The following PRR16 variants were observed in gnomAD, a reference collection of about 807,000 sequenced individuals.
The protein encoded by PRR16 is proline rich 16, also known as protein Largen.
Under a neutral mutation model 18.2 loss-of-function variants are expected in PRR16, and 6 were observed. That is an observed-to-expected ratio of 0.33 (90% CI 0.18 to 0.65). The LOEUF (loss-of-function observed/expected upper bound fraction) is 0.65, where lower values mean the gene tolerates loss of function less well. Among genes scored for constraint, PRR16 ranks in the 30% least tolerant of loss-of-function variants. The probability of loss-of-function intolerance (pLI) is 0.74; values close to 1 mark genes in which losing one functional copy is unlikely to be tolerated. For missense variants in PRR16, 412 were observed against 376.6 expected (o/e 1.09, Z -0.78); for synonymous variants, 151 against 147.8 (o/e 1.02, Z -0.16).
chr5:120,754,251 A>AATATATAATATATATAATTAGATATT, the PRR16 span, among the ~76,000 whole-genome samples: 8 of 106,726 alleles, frequency 7.5e-5, no homozygotes, highest in Non-Finnish European at 1.0e-4. Context: ...TAGATATTAT[A>AATATATAATATATATAATTAGATATT]ATATAAAAAT....
intron 1 of PRR16, among the ~76,000 whole-genome samples, chr5:120,507,021 A>G (rs991366797): frequency 3.3e-5 from 5 of 152,114 alleles, no homozygotes; most frequent in African/African-American, 1.2e-4. Context: ...CTACTGCTCC[A>G]TTCATTTCAA....
At position 120,480,083 on chromosome 5, in the gene PRR16, C is replaced by T. The variant is rs180881754; in HGVS notation, c.159+15438C>T. On this transcript the variant is annotated intron_variant, in intron 1 of 1. Coordinates refer to ENST00000407149, the MANE Select transcript of PRR16 (RefSeq NM_001300783.2). The stretch of plus-strand genomic sequence containing the variant: ...CTGAAACCTTATTCATAACAGGCTG[C>T]ATTGTATGCCCTTGGGGAAACTAAC... Among the ~76,000 whole-genome samples the T allele has an allele frequency of 3.5e-4, 53 of 152,218 alleles. No individual in the cohort carries two copies. In the East Asian group the frequency reaches 9.3e-3, roughly 27 times the overall value.
intron 1 of PRR16, among the ~76,000 whole-genome samples, chr5:120,660,478 CT>C (rs1318212751): frequency 6.6e-6 from 1 of 152,016 alleles, no homozygotes; most frequent in African/African-American, 2.4e-5. Context: ...TACTTTTTCA[CT>C]TTTTAACATT....
chr5:120,487,600 C>A (rs1452054733), intron 1 of PRR16, among the ~76,000 whole-genome samples: 1 of 152,098 alleles, frequency 6.6e-6, no homozygotes, highest in Admixed American at 6.6e-5. Context: ...CAAACAGGGA[C>A]AATTTGACTT....
the PRR16 span, among the ~76,000 whole-genome samples, chr5:120,758,194 ATATT>A: frequency 1.3e-5 from 2 of 152,128 alleles, no homozygotes; most frequent in African/African-American, 4.8e-5. Context: ...GAAATAGTTT[ATATT>A]TATTATGAAA....
the PRR16 span, among the ~76,000 whole-genome samples, chr5:120,756,432 C>T: frequency 9.9e-3 from 1,508 of 152,192 alleles, 15 homozygotes; most frequent in Non-Finnish European, 0.014. Flanking sequence ...GTAAGCATTT[C>T]CTTTTCTCTG....
At chr5:120,670,701 T>C (rs1756571486) in intron 1 of PRR16, among the ~76,000 whole-genome samples, 1 of 152,104 alleles carries the variant, frequency 6.6e-6, no homozygotes, top group Non-Finnish European at 1.5e-5. Flanking sequence ...CCAAGGATAA[T>C]GTCCCCATGT....
intron 1 of PRR16, among the ~76,000 whole-genome samples, chr5:120,482,021 A>G (rs186371696): frequency 1.3e-5 from 2 of 152,166 alleles, no homozygotes; most frequent in African/African-American, 4.8e-5. Context: ...AATTACTCCC[A>G]TGCTAAATTA....
intron 1 of PRR16, among the ~76,000 whole-genome samples, chr5:120,671,523 T>C (rs760123760): frequency 2.6e-5 from 4 of 152,170 alleles, no homozygotes; most frequent in Non-Finnish European, 5.9e-5. Flanking sequence ...GATAGAGTTT[T>C]CTGATCTTTT....
chr5:120,738,637 G>A, the PRR16 span, among the ~76,000 whole-genome samples: 1 of 152,162 alleles, frequency 6.6e-6, no homozygotes, highest in Non-Finnish European at 1.5e-5. Context: ...AAAAGTTCAC[G>A]GGTTCACAGC....
intron 1 of PRR16, among the ~76,000 whole-genome samples, chr5:120,610,183 C>T (rs1451899103): frequency 6.6e-6 from 1 of 152,096 alleles, no homozygotes; most frequent in Non-Finnish European, 1.5e-5. Context: ...TCTTGCTCTA[C>T]AGAAATAACT....
chr5:120,496,487 G>A (rs184962877), intron 1 of PRR16, among the ~76,000 whole-genome samples: 78 of 152,160 alleles, frequency 5.1e-4, no homozygotes, highest in African/African-American at 1.8e-3. Context: ...CCAAATTTAT[G>A]TTTGTAGAGT....
At chr5:120,767,521 TCTC>T in the PRR16 span, among the ~76,000 whole-genome samples, 15 of 152,020 alleles carry the variant, frequency 9.9e-5, no homozygotes, top group East Asian at 2.1e-3. Flanking sequence ...CATTAGCTGT[TCTC>T]CTTCACTCCA....
chr5:120,615,219 G>A (rs1754466411), intron 1 of PRR16, among the ~76,000 whole-genome samples: 1 of 152,016 alleles, frequency 6.6e-6, no homozygotes, highest in African/African-American at 2.4e-5. Context: ...TAGCCCCCAA[G>A]TACCTTGCCT....
At chr5:120,760,709 A>G in the PRR16 span, among the ~76,000 whole-genome samples, 2 of 152,138 alleles carry the variant, frequency 1.3e-5, no homozygotes, top group South Asian at 2.1e-4. Context: ...CAAGGGCTGG[A>G]GAGTTAAGGC....
chr5:120,649,340 T>A (rs966537384), intron 1 of PRR16, among the ~76,000 whole-genome samples: 1 of 152,152 alleles, frequency 6.6e-6, no homozygotes, highest in Admixed American at 6.6e-5. Flanking sequence ...AGATTTATAG[T>A]GTATGACAGT....
chr5:120,470,356 G>T (rs1197482703), intron 1 of PRR16, among the ~76,000 whole-genome samples: 1 of 151,942 alleles, frequency 6.6e-6, no homozygotes, highest in Non-Finnish European at 1.5e-5. Context: ...AAAATCTAAA[G>T]AAATATAAAG....
chr5:120,771,694 A>G, the PRR16 span, among the ~76,000 whole-genome samples: 1 of 152,092 alleles, frequency 6.6e-6, no homozygotes, highest in Non-Finnish European at 1.5e-5. Flanking sequence ...CTCTCAACTC[A>G]GAGTGCTCCA....
chr5:120,671,282 CT>C (rs575659987), intron 1 of PRR16, among the ~76,000 whole-genome samples: 3 of 152,002 alleles, frequency 2.0e-5, no homozygotes, highest in Non-Finnish European at 4.4e-5. Context: ...ATCAGAGTTT[CT>C]TTTTTTCTTT....
Sources: gnomAD v4.1 joint callset for allele counts (sites outside exome capture counted in the v4.1 genomes callset) on GRCh38, gnomAD v4.1.1 for gene constraint, MANE v1.5 for transcripts, NCBI Gene and HGNC (gene_info 2026-07-23, HGNC 2026-07-21) for gene names.